UBN2: variants seen among roughly 807,000 people sequenced by gnomAD.
UBN2 encodes the protein ubinuclein 2.
In UBN2, 35 loss-of-function variants were observed where a neutral mutation model predicts 120.2. The observed-to-expected ratio is 0.29, with a 90% CI of 0.22 to 0.39. UBN2 has a LOEUF of 0.39. UBN2 is among the 10% of genes least tolerant of loss of function. The pLI is 1.00. For synonymous variants in UBN2, 661 were observed against 648.7 expected (o/e 1.02, Z -0.29); for missense variants, 1,693 against 1,663.2 (o/e 1.02, Z -0.31).
chr7:139,295,089 T>C (rs906201234), intron 17 of UBN2, among the ~76,000 whole-genome samples: 3 of 135,408 alleles, frequency 2.2e-5, no homozygotes, highest in African/African-American at 8.3e-5. Context: ...TAGGCCTCAC[T>C]TTTTTTTTTT....
intron 1 of UBN2, among the ~76,000 whole-genome samples, chr7:139,233,932 G>A (rs192878443): frequency 2.0e-5 from 3 of 151,728 alleles, no homozygotes; most frequent in East Asian, 1.9e-4. Context: ...CAATTATCTC[G>A]TATATCAACC....
At position 139,266,389 on chromosome 7, in the gene UBN2, T is replaced by A; in HGVS notation, c.1452T>A (p.Asn484Lys). 1 of 1,552,596 alleles carries A rather than the reference T, an allele frequency of 6.4e-7. No individual in the cohort carries two copies. The highest frequency in any genetic ancestry group is 8.8e-7 in the Non-Finnish European group (1 of 1,137,802). The change falls in exon 7 of 18, where the codon AAT becomes AAA. Residue 484 changes from asparagine to lysine, a missense_variant. By Grantham distance (94) the Asn-to-Lys change is moderately conservative. Around this residue, in one of 5 missense-constraint regions of UBN2, gnomAD observed 178 missense variants for 204.0 expected, o/e 0.87. Coordinates refer to ENST00000473989, the MANE Select transcript of UBN2 (RefSeq NM_173569.4). ...GRKKFFTQDM[N>K]NILLDIELQL... Reference sequence around the variant, plus strand: ...AAAAATTCTTTACACAGGATATGAATAATATTCTTCTGGAGTAAGTAATTT... The same window carrying A: ...AAAAATTCTTTACACAGGATATGAAAAATATTCTTCTGGAGTAAGTAATTT...
At position 139,283,799 on chromosome 7, in the gene UBN2, C is replaced by G. The variant is rs773007325; in HGVS notation, c.2894C>G (p.Ser965Cys). 12 of 1,613,924 alleles carry G rather than the reference C, an allele frequency of 7.4e-6. No individual in the cohort carries two copies. The highest frequency in any genetic ancestry group is 1.7e-5 in the Admixed American group (1 of 59,992). The change falls in exon 15 of 18, where the codon TCC becomes TGC. Residue 965 changes from serine to cysteine, a missense_variant. Transcript: ENST00000473989. ...VVKLSNNPQLSCSSSLIKTSD... is the reference protein window; with the variant it reads ...VVKLSNNPQLCCSSSLIKTSD... Reference sequence around the variant, plus strand: ...AAGTTAAGTAATAATCCCCAACTCTCCTGTTCCTCCTCACTTATTAAGACT... The same window carrying G: ...AAGTTAAGTAATAATCCCCAACTCTGCTGTTCCTCCTCACTTATTAAGACT...
rs559197777 is a variant in UBN2 at position 139,301,202 on chromosome 7, A to G, written c.*3366A>G. On this transcript the variant is annotated 3_prime_UTR_variant, in exon 18 of 18. Coordinates refer to ENST00000473989, the MANE Select transcript of UBN2 (RefSeq NM_173569.4). ...GAAGAACCGGGCACATATGTGTTGG[A>G]ATACTGTGGGTTTGACACCTGGTTG... 1.3e-5 allele frequency: 2 copies of G among 152,238 alleles called. No homozygotes were observed. The highest frequency in any genetic ancestry group is 4.8e-5 in the African/African-American group (2 of 41,546). 9.4% of individuals were successfully genotyped at this position (152,238 alleles called of 1,614,324 possible). A position where few individuals can be genotyped will look rare whatever the true frequency, so the allele number is the denominator to read the frequency against.
Position 139,288,196 on chromosome 7 carries a change from A to T in UBN2, c.3669+3622A>T, listed in dbSNP as rs1797845052. Among the ~76,000 whole-genome samples the T allele has an allele frequency of 2.0e-5, 3 of 152,236 alleles. 1 individual carries two copies. The highest frequency in any genetic ancestry group is 2.0e-4 in the Admixed American group (3 of 15,274). ...GGATATAGGGATGAACAGCATACTC[A>T]CACATATAGTCTAGGTAGGAAGACA... is the stretch of plus-strand genomic sequence containing the variant. On this transcript the variant is annotated intron_variant, in intron 15 of 17. Coordinates refer to ENST00000473989, the MANE Select transcript of UBN2 (RefSeq NM_173569.4).
At chr7:139,308,919 A>T (rs1798408719), downstream of UBN2, among the ~76,000 whole-genome samples, 1 of 152,138 alleles carries the variant, frequency 6.6e-6, no homozygotes, top group African/African-American at 2.4e-5. Context: ...AAAATACAAA[A>T]ATTAGCTGGG....
downstream of UBN2, among the ~76,000 whole-genome samples, chr7:139,310,595 AC>A (rs1338101354): frequency 9.2e-5 from 14 of 151,768 alleles, no homozygotes; most frequent in Non-Finnish European, 2.1e-4. Context: ...ACATGGTGAA[AC>A]CCCGTCTCTA....
At chr7:139,267,769 C>T (rs1331735224) in intron 7 of UBN2, among the ~76,000 whole-genome samples, 1 of 152,104 alleles carries the variant, frequency 6.6e-6, no homozygotes, top group Non-Finnish European at 1.5e-5. Flanking sequence ...TAGTCTGCCG[C>T]TAGTATGGTG....
Position 139,305,127 on chromosome 7 carries a change from A to G in UBN2, c.*7291A>G, listed in dbSNP as rs1043686875. ...AATTCTGAGAGTTTTAGATTATATG[A>G]CACAATGTTCAGGTTTATAGAGCTG... On this transcript the variant is annotated 3_prime_UTR_variant, in exon 18 of 18. Coordinates refer to ENST00000473989, the MANE Select transcript of UBN2 (RefSeq NM_173569.4). 1 of 152,224 alleles carries G rather than the reference A, an allele frequency of 6.6e-6. No individual in the cohort carries two copies. 9.4% of individuals were successfully genotyped at this position (152,224 alleles called of 1,614,324 possible). A position where few individuals can be genotyped will look rare whatever the true frequency, so the allele number is the denominator to read the frequency against.
At position 139,284,123 on chromosome 7, in the gene UBN2, C is replaced by G; in HGVS notation, c.3218C>G (p.Thr1073Ser). 5.6e-6 allele frequency: 9 copies of G among 1,614,164 alleles called. No individual in the cohort carries two copies. The highest frequency in any genetic ancestry group is 7.6e-6 in the Non-Finnish European group (9 of 1,180,030). ...CTGTCAGCTAAGCCTTCAGTATCAA[C>G]TAAACTTATTTCTAAATCCAACCCA... The part of the protein sequence containing the change: ...PSLSAKPSVS[T>S]KLISKSNPTP... Residue 1073 changes from threonine to serine, a missense_variant, in exon 15 of 18, where the codon ACT (threonine) becomes AGT (serine). This residue lies in a region of UBN2 where 837 missense variants were observed against 817.6 expected (regional missense o/e 1.02). Transcript: ENST00000473989.
intron 12 of UBN2, among the ~76,000 whole-genome samples, chr7:139,278,457 G>T (rs1227117904): frequency 6.6e-6 from 1 of 152,014 alleles, no homozygotes; most frequent in Non-Finnish European, 1.5e-5. Flanking sequence ...AGCATTACAG[G>T]CATGAGCCAC....
intron 6 of UBN2, among the ~76,000 whole-genome samples, chr7:139,264,116 T>C (rs1034140492): frequency 2.0e-5 from 3 of 152,226 alleles, no homozygotes; most frequent in Admixed American, 2.0e-4. Flanking sequence ...ACATTACTTT[T>C]TAAAAAATAC....
chr7:139,267,933 C>T (rs1050644702), intron 7 of UBN2, among the ~76,000 whole-genome samples: 2 of 152,192 alleles, frequency 1.3e-5, no homozygotes, highest in African/African-American at 2.4e-5. Context: ...AACAGTGCAG[C>T]CATTACTTGT....
intron 7 of UBN2, among the ~76,000 whole-genome samples, chr7:139,267,972 G>C (rs1191666134): frequency 1.3e-5 from 2 of 152,186 alleles, no homozygotes; most frequent in Non-Finnish European, 2.9e-5. Flanking sequence ...CATAGTCAGG[G>C]ATCTGACCAA....
At chr7:139,293,812 A>G in intron 16 of UBN2, 77 bp from the exon 17 acceptor site, 1 of 1,370,526 alleles carries the variant, frequency 7.3e-7, no homozygotes, top group Non-Finnish European at 1.0e-6. Context: ...TGCATTACAT[A>G]AATCAGTTTT....
chr7:139,284,969 T>A (rs1585024354), intron 15 of UBN2, among the ~76,000 whole-genome samples: 1 of 152,212 alleles, frequency 6.6e-6, no homozygotes. Context: ...GAACATTCGC[T>A]TAGCTCTTCC....
intron 6 of UBN2, among the ~76,000 whole-genome samples, chr7:139,266,057 ATTCT>A (rs1045865331): frequency 6.0e-5 from 9 of 149,530 alleles, no homozygotes; most frequent in Admixed American, 2.0e-4. Context: ...CTGTTAGGAG[ATTCT>A]TTTTTTTTTT....
At chr7:139,276,219 A>G (rs888044220) in intron 12 of UBN2, 72 bp downstream of exon 12, 1 of 1,401,724 alleles carries the variant, frequency 7.1e-7, no homozygotes, top group Non-Finnish European at 1.0e-6. Flanking sequence ...AGTATCATTT[A>G]TTAAATGCTA....
intron 15 of UBN2, among the ~76,000 whole-genome samples, chr7:139,284,973 C>T (rs900022548): frequency 3.3e-5 from 5 of 152,146 alleles, no homozygotes; most frequent in African/African-American, 1.2e-4. Context: ...ATTCGCTTAG[C>T]TCTTCCCTTC....
Sources: allele counts gnomAD v4.1 joint callset (sites outside exome capture counted in the v4.1 genomes callset), GRCh38; gene constraint gnomAD v4.1.1; regional missense constraint gnomAD v4.1.1; transcripts MANE v1.5; gene names NCBI Gene and HGNC (gene_info 2026-07-23, HGNC 2026-07-21).